The following KLF10 variants were observed in gnomAD, a reference collection of about 807,000 sequenced individuals.
KLF10 encodes KLF transcription factor 10.
Under a neutral mutation model 31.6 loss-of-function variants are expected in KLF10, and 17 were observed. The ratio of observed to expected loss-of-function variants is 0.54; its 90% CI spans 0.37 to 0.81. The LOEUF (loss-of-function observed/expected upper bound fraction) is 0.81. Among genes scored for constraint, KLF10 ranks in the 30% least tolerant of loss-of-function variants. The pLI is 0.00. For missense variants in KLF10, 525 were observed against 598.1 expected, an observed-to-expected ratio of 0.88 and a Z score of 1.27; for synonymous variants, 239 against 215.1, an observed-to-expected ratio of 1.11 and a Z score of -0.97.
chr8:102,655,416 T>C, intron 1 of KLF10, 150 bp downstream of exon 1: 1 of 977,312 alleles, frequency 1.0e-6, no homozygotes, highest in Non-Finnish European at 1.6e-6. Flanking sequence ...GCCCATAGTC[T>C]GCAGGCAGGA....
intron 3 of KLF10, among the ~76,000 whole-genome samples, chr8:102,650,869 A>G (rs902038059): frequency 1.3e-5 from 2 of 152,264 alleles, no homozygotes; most frequent in African/African-American, 4.8e-5. Context: ...TTACATACTT[A>G]TTTTTAAATT....
Position 102,648,978 on chromosome 8 carries a change from T to C in KLF10, c.*1154A>G, listed in dbSNP as rs557016464. On this transcript the variant is annotated 3_prime_UTR_variant, in exon 4 of 4. Coordinates refer to ENST00000285407, the MANE Select transcript of KLF10 (RefSeq NM_005655.4). ...AGATATAGTGACATTTTTCACTATA[T>C]ATTTTAAGCAATGTACTTTTGTTTT... 7.9e-5 allele frequency: 12 copies of C among 152,750 alleles called. No individual in the cohort carries two copies. The South Asian group carries it at 1.9e-3, about 24-fold the overall frequency. The allele number at this position is 152,750 out of a possible 1,614,324, so 9.5% of individuals were successfully genotyped here.
intron 1 of KLF10, among the ~76,000 whole-genome samples, chr8:102,655,044 G>A (rs978867771): frequency 6.6e-6 from 1 of 151,970 alleles, no homozygotes; most frequent in Admixed American, 6.5e-5. Flanking sequence ...AGACCCCCAG[G>A]ATGGGTAGCC....
chr8:102,653,520 A>C lies in KLF10; in HGVS notation c.37-1123T>G, dbSNP rs776728469. The C allele has an allele frequency of 2.6e-6, 4 of 1,522,972 alleles. No homozygotes were observed. The African/African-American group carries it at 5.6e-5, about 21-fold the overall frequency. The allele number at this position is 1,522,972 out of a possible 1,614,324, so 94.3% of individuals were successfully genotyped here. The stretch of plus-strand genomic sequence containing the variant: ...AAAACTGTCCAGACTCGTTTGGTCA[A>C]AGTAGAGATTGTGTAAAAATACCAA... On this transcript the variant is annotated intron_variant, in intron 1 of 3. Coordinates refer to ENST00000285407, the MANE Select transcript of KLF10 (RefSeq NM_005655.4).
At chr8:102,652,787 T>C (rs1361513038) in intron 1 of KLF10, among the ~76,000 whole-genome samples, 2 of 152,222 alleles carry the variant, frequency 1.3e-5, no homozygotes, top group African/African-American at 2.4e-5. Flanking sequence ...GTATTTTATA[T>C]AGACTTTCCA....
chr8:102,653,830 G>C, intron 1 of KLF10: 1 of 1,023,766 alleles, frequency 9.8e-7, no homozygotes, highest in African/African-American at 1.7e-5. Flanking sequence ...GGGGAGGAAA[G>C]GGAGTGGGGC....
chr8:102,655,436 C>A, intron 1 of KLF10, 130 bp downstream of exon 1: 1 of 1,219,912 alleles, frequency 8.2e-7, no homozygotes, highest in South Asian at 1.3e-5. Context: ...AAGCCCTTTC[C>A]TTCCCCACGA....
Position 102,649,859 on chromosome 8 carries a change from T to G in KLF10, c.*273A>C, listed in dbSNP as rs1199530980. On this transcript the variant is annotated 3_prime_UTR_variant, in exon 4 of 4. Transcript: ENST00000285407. The stretch of plus-strand genomic sequence containing the variant: ...GATTCAAAATCTGTGCTACCTGTGT[T>G]GACCTCATCTGAAACCTTCAAAAAA... 2.1e-6 allele frequency: 1 copy of G among 486,188 alleles called. No individual in the cohort carries two copies. Among genetic ancestry groups the G allele is most frequent in the Non-Finnish European group, 3.7e-6 (1 of 272,582 alleles). The allele number at this position is 486,188 out of a possible 1,614,324, so 30.1% of individuals were successfully genotyped here. A position where few individuals can be genotyped will look rare whatever the true frequency, so the allele number is the denominator to read the frequency against.
At chr8:102,655,545 G>A (rs1266344515) in intron 1 of KLF10, 21 bp downstream of exon 1, 2 of 1,614,128 alleles carry the variant, frequency 1.2e-6, no homozygotes, top group East Asian at 4.5e-5. Context: ...GGAAGCACAG[G>A]GGCATCCCCA....
chr8:102,653,684 G>A (rs896648381), intron 1 of KLF10: 14 of 1,268,072 alleles, frequency 1.1e-5, no homozygotes, highest in Non-Finnish European at 1.4e-5. Flanking sequence ...AATCGCGCCC[G>A]CCTTTATGTA....
At position 102,649,495 on chromosome 8, in the gene KLF10, AT is replaced by A. The variant is rs1827155584; in HGVS notation, c.*636del. 6.6e-6 allele frequency: 1 copy of A among 152,444 alleles called. No individual in the cohort carries two copies. Among genetic ancestry groups the A allele is most frequent in the East Asian group, 1.9e-4 (1 of 5,194 alleles). 9.4% of individuals were successfully genotyped at this position (152,444 alleles called of 1,614,324 possible). On this transcript the variant is annotated 3_prime_UTR_variant, in exon 4 of 4. Coordinates refer to ENST00000285407, the MANE Select transcript of KLF10 (RefSeq NM_005655.4). ...CAAATTGTAGCTATGCTTCAAAGCAATTAAATTAAGGAGGATTCCAATTCTT... is the reference window on the plus strand; with the variant it reads ...CAAATTGTAGCTATGCTTCAAAGCAATAAATTAAGGAGGATTCCAATTCTT...
At chr8:102,654,036 G>C (rs1308923636) in intron 1 of KLF10, 10 of 967,816 alleles carry the variant, frequency 1.0e-5, no homozygotes, top group Non-Finnish European at 1.2e-5. Flanking sequence ...CCCCGCCATT[G>C]GCCGGCCGGC....
chr8:102,650,654 G>A (rs914570402), intron 3 of KLF10, among the ~76,000 whole-genome samples: 1 of 152,150 alleles, frequency 6.6e-6, no homozygotes, highest in African/African-American at 2.4e-5. Context: ...GCTGGGGCAG[G>A]AGGATAGCTT....
At position 102,649,649 on chromosome 8, in the gene KLF10, G is replaced by A. The variant is rs1350984039; in HGVS notation, c.*483C>T. ...TGGAAAGACTAGGAATAATAAAGAA[G>A]ATAACTCTAGAAAAAGATGACAATA... On this transcript the variant is annotated 3_prime_UTR_variant, in exon 4 of 4. Transcript: ENST00000285407. 6.2e-6 allele frequency: 1 copy of A among 162,552 alleles called. No homozygotes were observed. Among genetic ancestry groups the A allele is most frequent in the African/African-American group, 2.4e-5 (1 of 41,506 alleles). The allele number at this position is 162,552 out of a possible 1,614,324, so 10.1% of individuals were successfully genotyped here. A position where few individuals can be genotyped will look rare whatever the true frequency, so the allele number is the denominator to read the frequency against.
chr8:102,654,694 ACGGGT>A (rs1371788578), intron 1 of KLF10, among the ~76,000 whole-genome samples: 4 of 138,380 alleles, frequency 2.9e-5, no homozygotes, highest in African/African-American at 1.1e-4. Flanking sequence ...GCGCGTCTCC[ACGGGT>A]TCCCAGACGT....
rs900862771 is a variant in KLF10 at position 102,655,458 on chromosome 8, C to T, written c.36+108G>A. The T allele has an allele frequency of 8.6e-6, 12 of 1,400,070 alleles. No individual in the cohort carries two copies. In the African/African-American group the frequency reaches 1.1e-4, roughly 13 times the overall value. 86.7% of individuals were successfully genotyped at this position (1,400,070 alleles called of 1,614,324 possible). A position where few individuals can be genotyped will look rare whatever the true frequency, so the allele number is the denominator to read the frequency against. On this transcript the variant is annotated intron_variant, in intron 1 of 3. Coordinates refer to ENST00000285407, the MANE Select transcript of KLF10 (RefSeq NM_005655.4). Reference sequence around the variant, plus strand: ...TTCCTTCCCCACGACTCCGCTGCAGCCCCAATTCTCAGGCATGGCTGATGT... The same window carrying T: ...TTCCTTCCCCACGACTCCGCTGCAGTCCCAATTCTCAGGCATGGCTGATGT...
Position 102,652,237 on chromosome 8 carries a change from G to A in KLF10, c.197C>T (p.Thr66Ile). The change falls in exon 2 of 4, where the codon ACA becomes ATA. Residue 66 changes from threonine (T) to isoleucine (I), a missense_variant. Thr to Ile is a moderately conservative substitution (Grantham distance 89). Around this residue, in one of 3 missense-constraint regions of KLF10, gnomAD observed 434 missense variants for 450.7 expected, o/e 0.96. Transcript: ENST00000285407. The part of the protein sequence containing the change: ...FKKYVENRPV[T>I]PVSDLSEEEN... ...TTCCTCTGACAAATCAGATACTGGTGTAACAGGTCTGTTTTCAACGTATTT... is the reference window on the plus strand; with the variant it reads ...TTCCTCTGACAAATCAGATACTGGTATAACAGGTCTGTTTTCAACGTATTT... The A allele has an allele frequency of 6.2e-7, 1 of 1,613,164 alleles. No individual in the cohort carries two copies. Among genetic ancestry groups the A allele is most frequent in the Non-Finnish European group, 8.5e-7 (1 of 1,179,396 alleles).
chr8:102,655,602 G>A lies in KLF10; in HGVS notation c.-1C>T. On this transcript the variant is annotated 5_prime_UTR_variant, in exon 1 of 4. Coordinates refer to ENST00000285407, the MANE Select transcript of KLF10 (RefSeq NM_005655.4). The stretch of plus-strand genomic sequence containing the variant: ...GGAGAGAGGCACCGAAGTTGAGCAT[G>A]GTTGGCTGCTTGGCCGCCGGCGGCA... 6.2e-7 allele frequency: 1 copy of A among 1,614,102 alleles called. No homozygotes were observed. Among genetic ancestry groups the A allele is most frequent in the Non-Finnish European group, 8.5e-7 (1 of 1,179,986 alleles).
At chr8:102,654,685 C>G (rs1563961937) in intron 1 of KLF10, among the ~76,000 whole-genome samples, 1 of 151,706 alleles carries the variant, frequency 6.6e-6, no homozygotes. Flanking sequence ...CCTCCCGCCG[C>G]GCGTCTCCAC....
Sources: gnomAD v4.1 joint callset for allele counts (sites outside exome capture counted in the v4.1 genomes callset) on GRCh38, gnomAD v4.1.1 for gene constraint, gnomAD v4.1.1 regional missense constraint, MANE v1.5 for transcripts, NCBI Gene and HGNC (gene_info 2026-07-23, HGNC 2026-07-21) for gene names.